Variants in MSRA observed in about 807,000 individuals in gnomAD.
MSRA encodes the protein mitochondrial peptide methionine sulfoxide reductase.
A neutral mutation model predicts 31.3 loss-of-function variants in MSRA; 54 were observed. That is an observed-to-expected ratio of 1.73 (90% CI 1.39 to 2.17). The LOEUF is 2.17. Ranked by LOEUF, MSRA falls within the 30% of genes most tolerant of loss-of-function variation. The pLI, the probability that MSRA is intolerant of heterozygous loss-of-function variation, is 0.00. For synonymous variants in MSRA, 169 were observed against 116.5 expected (o/e 1.45, Z -2.90); for missense variants, 507 against 300.9 (o/e 1.69, Z -5.07).
intron 3 of MSRA, among the ~76,000 whole-genome samples, chr8:10,291,783 T>C (rs1243802535): frequency 6.6e-6 from 1 of 152,156 alleles, no homozygotes; most frequent in African/African-American, 2.4e-5. Context: ...TGAAGAATGG[T>C]TATTATTTAA....
chr8:10,213,314 G>C (rs1809680265), intron 2 of MSRA, among the ~76,000 whole-genome samples: 1 of 151,790 alleles, frequency 6.6e-6, no homozygotes, highest in Non-Finnish European at 1.5e-5. Flanking sequence ...TTTTTGTGCT[G>C]GACTTATTTC....
intron 2 of MSRA, among the ~76,000 whole-genome samples, chr8:10,225,383 C>T (rs914589545): frequency 6.6e-6 from 1 of 152,210 alleles, no homozygotes; most frequent in African/African-American, 2.4e-5. Flanking sequence ...CCATCTCTGC[C>T]TGTGCTCTAA....
intron 3 of MSRA, among the ~76,000 whole-genome samples, chr8:10,266,689 A>G (rs1798765380): frequency 6.6e-6 from 1 of 152,026 alleles, no homozygotes; most frequent in South Asian, 2.1e-4. Flanking sequence ...ATTTTTTCAG[A>G]AATTGTATAG....
chr8:10,390,685 T>C (rs1806685725), intron 5 of MSRA, among the ~76,000 whole-genome samples: 1 of 152,180 alleles, frequency 6.6e-6, no homozygotes. Flanking sequence ...AGGTGCCGCA[T>C]TGTTTCTGTG....
chr8:10,221,076 G>C (rs1417855916), intron 2 of MSRA, among the ~76,000 whole-genome samples: 1 of 152,216 alleles, frequency 6.6e-6, no homozygotes, highest in Non-Finnish European at 1.5e-5. Flanking sequence ...GCCACATGAT[G>C]GGGAAAGCCC....
At chr8:10,308,660 A>C (rs1407883562) in intron 4 of MSRA, among the ~76,000 whole-genome samples, 5 of 152,198 alleles carry the variant, frequency 3.3e-5, no homozygotes, top group Admixed American at 3.3e-4. Context: ...CTCATACCAC[A>C]GTTCTCCCCA....
At chr8:10,131,225 C>T (rs992313730) in intron 1 of MSRA, among the ~76,000 whole-genome samples, 4 of 152,134 alleles carry the variant, frequency 2.6e-5, no homozygotes, top group Non-Finnish European at 4.4e-5. Context: ...GAAATGTACA[C>T]GTTCATATCC....
chr8:10,283,946 G>C (rs992056612), intron 3 of MSRA, among the ~76,000 whole-genome samples: 1 of 150,734 alleles, frequency 6.6e-6, no homozygotes, highest in Non-Finnish European at 1.5e-5. Flanking sequence ...ATTGTGAATT[G>C]TGCTGCTATA....
intron 1 of MSRA, chr8:10,095,849 A>G: frequency 2.4e-6 from 3 of 1,267,736 alleles, no homozygotes; most frequent in Non-Finnish European, 3.0e-6. Context: ...CATAGTGTCC[A>G]TGCATTTGGG....
At chr8:10,071,926 C>G (rs149727338) in intron 1 of MSRA, among the ~76,000 whole-genome samples, 1 of 152,178 alleles carries the variant, frequency 6.6e-6, no homozygotes, top group Non-Finnish European at 1.5e-5. Flanking sequence ...AGAGAAGAGA[C>G]AGAGCAAGAT....
intron 5 of MSRA, among the ~76,000 whole-genome samples, chr8:10,358,751 C>T (rs1201002018): frequency 6.7e-6 from 1 of 149,764 alleles, no homozygotes; most frequent in Non-Finnish European, 1.5e-5. Context: ...CGCCACTACG[C>T]CCGGCTAATT....
intron 5 of MSRA, among the ~76,000 whole-genome samples, chr8:10,405,727 A>C (rs913828225): frequency 4.0e-5 from 6 of 151,306 alleles, no homozygotes; most frequent in African/African-American, 1.5e-4. Context: ...TCACACACAC[A>C]ATCACACACG....
At chr8:10,282,218 G>A (rs1799660714) in intron 3 of MSRA, among the ~76,000 whole-genome samples, 1 of 152,210 alleles carries the variant, frequency 6.6e-6, no homozygotes, top group Admixed American at 6.5e-5. Flanking sequence ...TCTACAGTAA[G>A]TGCCTGACAA....
intron 1 of MSRA, among the ~76,000 whole-genome samples, chr8:10,156,271 A>G (rs1386099723): frequency 6.6e-6 from 1 of 152,154 alleles, no homozygotes; most frequent in Non-Finnish European, 1.5e-5. Context: ...GTGAGTGTGG[A>G]CTGTATGTTG....
At chr8:10,281,098 C>A (rs1799599093) in intron 3 of MSRA, among the ~76,000 whole-genome samples, 1 of 152,120 alleles carries the variant, frequency 6.6e-6, no homozygotes, top group African/African-American at 2.4e-5. Context: ...GATTACCCAA[C>A]TGTGAATATA....
chr8:10,122,720 T>A (rs187154895), intron 1 of MSRA, among the ~76,000 whole-genome samples: 5 of 152,240 alleles, frequency 3.3e-5, no homozygotes, highest in Admixed American at 6.5e-5. Flanking sequence ...CAGTGTCTTT[T>A]GTTCCCATCT....
chr8:10,097,494 CAAAA>C (rs745416523), intron 1 of MSRA, among the ~76,000 whole-genome samples: 3 of 152,020 alleles, frequency 2.0e-5, no homozygotes, highest in Non-Finnish European at 2.9e-5. Flanking sequence ...ATATATGAAA[CAAAA>C]AGAAAGTTCA....
chr8:10,332,630 C>T (rs75604149), intron 5 of MSRA, among the ~76,000 whole-genome samples: 1,581 of 152,254 alleles, frequency 0.01, 15 homozygotes, highest in Non-Finnish European at 0.015. Context: ...TATGCAGCCA[C>T]GTAGACAGCT....
At chr8:10,265,557 A>T (rs1473145053) in intron 3 of MSRA, among the ~76,000 whole-genome samples, 1 of 152,170 alleles carries the variant, frequency 6.6e-6, no homozygotes, top group Non-Finnish European at 1.5e-5. Flanking sequence ...CTAGACCAGA[A>T]CCCTGGCCTT....
Sources: gnomAD v4.1 joint callset for allele counts (sites outside exome capture counted in the v4.1 genomes callset) on GRCh38, gnomAD v4.1.1 for gene constraint, MANE v1.5 for transcripts, NCBI Gene and HGNC (gene_info 2026-07-23, HGNC 2026-07-21) for gene names.